Variants in LRRC53 observed in about 807,000 individuals in gnomAD.
LRRC53 encodes the protein leucine rich repeat containing 53.
LRRC53 carries 25 observed loss-of-function variants against 13.6 expected under a neutral mutation model. That is an observed-to-expected ratio of 1.83 (90% CI 1.34 to 2.56). The LOEUF (loss-of-function observed/expected upper bound fraction) is 2.56. LRRC53 is among the 30% of genes most tolerant of loss of function. LRRC53 has a pLI of 0.00. For synonymous variants in LRRC53, 204 were observed against 109.8 expected, an observed-to-expected ratio of 1.86 and a Z score of -5.37; for missense variants, 527 against 275.8, an observed-to-expected ratio of 1.91 and a Z score of -6.45.
the LRRC53 span, among the ~76,000 whole-genome samples, chr1:74,526,637 T>G: frequency 1.3e-5 from 2 of 152,204 alleles, no homozygotes; most frequent in African/African-American, 2.4e-5. Flanking sequence ...TAAATATAAA[T>G]TGGATATTTT....
At chr1:74,499,299 G>A (rs1406928362) in intron 1 of LRRC53, among the ~76,000 whole-genome samples, 3 of 152,098 alleles carry the variant, frequency 2.0e-5, no homozygotes, top group Non-Finnish European at 4.4e-5. Context: ...GCGCCACCAT[G>A]CCCAGTTAAT....
the LRRC53 span, among the ~76,000 whole-genome samples, chr1:74,522,680 G>A: frequency 6.6e-6 from 1 of 152,006 alleles, no homozygotes; most frequent in African/African-American, 2.4e-5. Context: ...GAGAAAGAGA[G>A]AAATGCCCCA....
chr1:74,527,882 G>T, the LRRC53 span, among the ~76,000 whole-genome samples: 1 of 152,224 alleles, frequency 6.6e-6, no homozygotes, highest in South Asian at 2.1e-4. Flanking sequence ...GAATGTCTAT[G>T]TGGTGGATGG....
chr1:74,509,102 T>G lies in LRRC53; in HGVS notation c.-27+3424A>C, dbSNP rs1039484355. ...GACACTTTCTTCTTCTTTTTATCAC[T>G]TATTCTCTTTGAGATAGTAGAGCAC... On this transcript the variant is annotated intron_variant, in intron 1 of 4. Coordinates refer to ENST00000294635, the MANE Select transcript of LRRC53 (RefSeq NM_001382280.1). 2.0e-5 allele frequency among the ~76,000 whole-genome samples: 3 copies of G among 152,234 alleles called. No individual in the cohort carries two copies. In the East Asian group the frequency reaches 5.8e-4, roughly 29 times the overall value.
chr1:74,511,380 A>C (rs930323112), intron 1 of LRRC53, among the ~76,000 whole-genome samples: 4 of 152,018 alleles, frequency 2.6e-5, no homozygotes, highest in Non-Finnish European at 4.4e-5. Flanking sequence ...TTTAGTAGAG[A>C]TAGGGTTTTG....
chr1:74,533,587 A>G, the LRRC53 span, among the ~76,000 whole-genome samples: 1 of 152,164 alleles, frequency 6.6e-6, no homozygotes, highest in South Asian at 2.1e-4. Context: ...ACTATAAATC[A>G]TGCTGCTATA....
chr1:74,492,107 C>A, intron 1 of LRRC53: 1 of 1,605,424 alleles, frequency 6.2e-7, no homozygotes, highest in Non-Finnish European at 8.5e-7. Context: ...CTGATGTCTC[C>A]TGCATCAAGT....
At chr1:74,515,094 C>T (rs1354471967), upstream of LRRC53, among the ~76,000 whole-genome samples, 1 of 152,078 alleles carries the variant, frequency 6.6e-6, no homozygotes, top group Non-Finnish European at 1.5e-5. Flanking sequence ...AATATTCCTT[C>T]AGAAAGAACC....
At chr1:74,514,486 A>G (rs1382323297), upstream of LRRC53, among the ~76,000 whole-genome samples, 1 of 152,240 alleles carries the variant, frequency 6.6e-6, no homozygotes, top group Non-Finnish European at 1.5e-5. Flanking sequence ...TATTCACTTA[A>G]GAAGAAAAGT....
chr1:74,521,031 G>T, the LRRC53 span, among the ~76,000 whole-genome samples: 3 of 152,156 alleles, frequency 2.0e-5, no homozygotes, highest in Non-Finnish European at 4.4e-5. Context: ...CTCTGCTCTG[G>T]TTGCCCTGAC....
chr1:74,501,653 A>C (rs2100343351), intron 1 of LRRC53, among the ~76,000 whole-genome samples: 1 of 151,928 alleles, frequency 6.6e-6, no homozygotes, highest in South Asian at 2.1e-4. Context: ...CGCCCGGGTA[A>C]TTTTTGTACT....
At chr1:74,523,966 C>G in the LRRC53 span, among the ~76,000 whole-genome samples, 10 of 151,950 alleles carry the variant, frequency 6.6e-5, no homozygotes, top group African/African-American at 2.4e-4. Context: ...ATATTCCACT[C>G]CCTGTGCCCA....
chr1:74,520,837 A>G, the LRRC53 span, among the ~76,000 whole-genome samples: 1 of 152,122 alleles, frequency 6.6e-6, no homozygotes, highest in Non-Finnish European at 1.5e-5. Flanking sequence ...GAAGCCCCTT[A>G]TGAAATTTAG....
chr1:74,502,652 A>G (rs1220937693), intron 1 of LRRC53, among the ~76,000 whole-genome samples: 1 of 152,190 alleles, frequency 6.6e-6, no homozygotes, highest in Admixed American at 6.5e-5. Context: ...CTAGTGGAAC[A>G]TACTTCCCTC....
intron 1 of LRRC53, among the ~76,000 whole-genome samples, chr1:74,495,874 C>T (rs1389370213): frequency 6.6e-6 from 1 of 152,158 alleles, no homozygotes; most frequent in African/African-American, 2.4e-5. Flanking sequence ...CCCAAGCCTG[C>T]CTTTTCAGCT....
intron 1 of LRRC53, among the ~76,000 whole-genome samples, chr1:74,509,880 A>G (rs1046332322): frequency 1.4e-5 from 2 of 147,456 alleles, no homozygotes; most frequent in African/African-American, 2.5e-5. Context: ...CAGCTCCCCA[A>G]GTAGCTGGAA....
chr1:74,476,164 T>C (rs899558951), intron 3 of LRRC53, among the ~76,000 whole-genome samples: 1 of 152,198 alleles, frequency 6.6e-6, no homozygotes, highest in Non-Finnish European at 1.5e-5. Flanking sequence ...ACTCTCATAA[T>C]AGAGTGAATG....
rs1288759278 is a variant in LRRC53 at position 74,480,896 on chromosome 1, G to C, written c.161C>G (p.Ser54Cys). ...YLSSIESTNL[S>C]LLFNLALLSL... Reference sequence around the variant, plus strand: ...GAGCAGGGCAAGATTAAACAAGAGAGACAGGTTTGTGCTCTCAATAGAGGA... The same window carrying C: ...GAGCAGGGCAAGATTAAACAAGAGACACAGGTTTGTGCTCTCAATAGAGGA... Residue 54 changes from serine to cysteine, a missense_variant, in exon 3 of 5, where the codon TCT becomes TGT. Ser to Cys is a moderately radical substitution (Grantham distance 112). Transcript: ENST00000294635. 1 of 717,412 alleles carries C rather than the reference G, an allele frequency of 1.4e-6. No homozygotes were observed. Among genetic ancestry groups the C allele is most frequent in the Non-Finnish European group, 2.6e-6 (1 of 385,096 alleles). 44.4% of individuals were successfully genotyped at this position (717,412 alleles called of 1,614,324 possible). A position where few individuals can be genotyped will look rare whatever the true frequency, so the allele number is the denominator to read the frequency against.
rs975995407 is a variant in LRRC53, at chr1:74,478,233, C to G, written c.904+1920G>C. On this transcript the variant is annotated intron_variant, in intron 3 of 4. Transcript: ENST00000294635. ...GTCTTTTTAAAGAAGAATCTCTTCT[C>G]AAAGCACTACAATTTAACAATTATT... Among the ~76,000 whole-genome samples the G allele has an allele frequency of 3.3e-5, 5 of 152,198 alleles. No individual in the cohort carries two copies. In the Middle Eastern group the frequency reaches 0.014, roughly 414 times the overall value.
Sources: allele counts gnomAD v4.1 joint callset (sites outside exome capture counted in the v4.1 genomes callset), GRCh38; gene constraint gnomAD v4.1.1; transcripts MANE v1.5; gene names NCBI Gene and HGNC (gene_info 2026-07-23, HGNC 2026-07-21).